Variants in ZNF484 observed in about 807,000 individuals in gnomAD.
ZNF484 encodes zinc finger protein 484.
Under a neutral mutation model 12.9 loss-of-function variants are expected in ZNF484, and 11 were observed. The observed-to-expected ratio is 0.85, with a 90% confidence interval of 0.54 to 1.41. ZNF484 has a LOEUF of 1.41. ZNF484 is among the 40% of genes most tolerant of loss of function. ZNF484 has a pLI of 0.00. For missense variants in ZNF484, 807 were observed against 1,007.7 expected (o/e 0.80, Z 2.70); for synonymous variants, 289 against 334.1 (o/e 0.86, Z 1.47).
chr9:92,869,254 A>C (rs1189738726), intron 2 of ZNF484, among the ~76,000 whole-genome samples: 3 of 152,192 alleles, frequency 2.0e-5, no homozygotes, highest in Admixed American at 6.5e-5. Flanking sequence ...ACTGATATGT[A>C]TAATATATAT....
chr9:92,860,010 GT>G (rs1292218917), intron 2 of ZNF484, among the ~76,000 whole-genome samples: 1 of 152,164 alleles, frequency 6.6e-6, no homozygotes, highest in East Asian at 1.9e-4. Context: ...GATGTCCAGA[GT>G]TTTTACTGAG....
chr9:92,867,469 C>T (rs1480672033), intron 2 of ZNF484, among the ~76,000 whole-genome samples: 3 of 151,842 alleles, frequency 2.0e-5, no homozygotes, highest in African/African-American at 7.3e-5. Flanking sequence ...GCAACAAGAG[C>T]GAAACTCCAT....
chr9:92,851,098 C>T (rs1237478648), intron 4 of ZNF484, among the ~76,000 whole-genome samples: 1 of 152,242 alleles, frequency 6.6e-6, no homozygotes, highest in African/African-American at 2.4e-5. Flanking sequence ...TCATTTGTCA[C>T]TAGGTGGCAC....
At chr9:92,875,327 A>G (rs1857730578) in intron 1 of ZNF484, among the ~76,000 whole-genome samples, 1 of 152,228 alleles carries the variant, frequency 6.6e-6, no homozygotes, top group Admixed American at 6.5e-5. Context: ...TATCCAAAGG[A>G]TATACTGTTC....
At chr9:92,873,813 A>G (rs1205460458) in intron 2 of ZNF484, among the ~76,000 whole-genome samples, 4 of 152,158 alleles carry the variant, frequency 2.6e-5, no homozygotes, top group African/African-American at 9.7e-5. Flanking sequence ...CGTGATACCT[A>G]AACCAGAAAT....
intron 4 of ZNF484, among the ~76,000 whole-genome samples, chr9:92,850,295 G>GT (rs1855988465): frequency 6.6e-6 from 1 of 152,192 alleles, no homozygotes; most frequent in African/African-American, 2.4e-5. Flanking sequence ...GAACTACATG[G>GT]TGAGTGAGGT....
At chr9:92,861,865 A>G (rs191323085) in intron 2 of ZNF484, among the ~76,000 whole-genome samples, 36 of 152,354 alleles carry the variant, frequency 2.4e-4, no homozygotes, top group Non-Finnish European at 4.4e-5. Flanking sequence ...GGAAAACCTC[A>G]AATAAATCCA....
chr9:92,877,593 T>C (rs1857902881), intron 1 of ZNF484, among the ~76,000 whole-genome samples: 1 of 152,084 alleles, frequency 6.6e-6, no homozygotes, highest in Admixed American at 6.5e-5. Flanking sequence ...TTCACACTCC[T>C]CAGATCCCTC....
At chr9:92,868,553 C>T (rs1857246708) in intron 2 of ZNF484, among the ~76,000 whole-genome samples, 1 of 152,082 alleles carries the variant, frequency 6.6e-6, no homozygotes, top group Admixed American at 6.5e-5. Context: ...TTTATTTGGC[C>T]CATGGTTCTG....
intron 2 of ZNF484, among the ~76,000 whole-genome samples, chr9:92,860,763 AAG>A (rs1856742751): frequency 6.6e-6 from 1 of 152,112 alleles, no homozygotes; most frequent in Admixed American, 6.5e-5. Context: ...CATTAGCTCA[AAG>A]AGAGGTAGCA....
At chr9:92,869,559 CTAAA>C (rs763232220) in intron 2 of ZNF484, among the ~76,000 whole-genome samples, 2 of 152,172 alleles carry the variant, frequency 1.3e-5, no homozygotes, top group South Asian at 2.1e-4. Context: ...CCCATCTCTA[CTAAA>C]TAAATAAATA....
Position 92,855,827 on chromosome 9 carries a change from G to A in ZNF484, c.219C>T (p.Pro73=), listed in dbSNP as rs1489241220. The A allele has an allele frequency of 1.2e-6, 2 of 1,613,934 alleles. No homozygotes were observed. Among genetic ancestry groups the A allele is most frequent in the East Asian group, 2.2e-5 (1 of 44,892 alleles). Residue 73 remains proline, a synonymous_variant, in exon 4 of 5, where the codon CCC becomes CCT. Transcript: ENST00000375495. ...CCTTCTCACCTGGACGGCTCTGACT[G>A]GGGATCTCACCATCCAACATACATG... ...EEPCMLDGEI[P]SQSRPDGDIG... is the part of the protein sequence containing the mutation.
chr9:92,877,467 C>A (rs1857890540), intron 1 of ZNF484, among the ~76,000 whole-genome samples: 2 of 152,040 alleles, frequency 1.3e-5, no homozygotes, highest in Admixed American at 6.5e-5. Flanking sequence ...ACATGCAATT[C>A]TATGTAATAT....
chr9:92,856,417 A>C, intron 2 of ZNF484, 99 bp from the exon 3 acceptor site: 1 of 999,586 alleles, frequency 1.0e-6, no homozygotes, highest in Non-Finnish European at 1.4e-6. Flanking sequence ...AGATTACAGA[A>C]TGGAAACAAG....
At chr9:92,877,793 C>G (rs1857927570) in intron 1 of ZNF484, 97 bp downstream of exon 1, 1 of 1,535,774 alleles carries the variant, frequency 6.5e-7, no homozygotes, top group African/African-American at 1.4e-5. Flanking sequence ...TCCACTATTC[C>G]ATCCACTGAC....
Position 92,846,117 on chromosome 9 carries a change from A to G in ZNF484, c.*111T>C. The G allele has an allele frequency of 9.1e-7, 1 of 1,103,698 alleles. No individual in the cohort carries two copies. Among genetic ancestry groups the G allele is most frequent in the South Asian group, 1.6e-5 (1 of 62,502 alleles). 68.4% of individuals were successfully genotyped at this position (1,103,698 alleles called of 1,614,324 possible). ...TATTTGCAGGAGCTTGACAACACCA[A>G]TATCAAGTAACCAAAGATGGCCACT... On this transcript the variant is annotated 3_prime_UTR_variant, in exon 5 of 5. Coordinates refer to ENST00000375495, the MANE Select transcript of ZNF484 (RefSeq NM_031486.4).
intron 2 of ZNF484, among the ~76,000 whole-genome samples, chr9:92,856,987 G>A (rs1185634254): frequency 1.3e-5 from 2 of 152,206 alleles, no homozygotes; most frequent in African/African-American, 4.8e-5. Context: ...GCCTCCCAAA[G>A]TGCTGGGATT....
chr9:92,844,781 A>G lies in ZNF484; in HGVS notation c.*1447T>C, dbSNP rs1855492390. ...TTGTCACCACCAAACTCACAGTAAA[A>G]GAAATACTAAAGGGTGTTCCTCAGT... On this transcript the variant is annotated 3_prime_UTR_variant, in exon 5 of 5. Coordinates refer to ENST00000375495, the MANE Select transcript of ZNF484 (RefSeq NM_031486.4). Among the ~76,000 whole-genome samples, 1 of 152,184 alleles carries G rather than the reference A, an allele frequency of 6.6e-6. No individual in the cohort carries two copies. Among genetic ancestry groups the G allele is most frequent in the Admixed American group, 6.5e-5 (1 of 15,280 alleles).
intron 4 of ZNF484, among the ~76,000 whole-genome samples, chr9:92,854,105 G>A (rs1488073308): frequency 6.6e-6 from 1 of 152,120 alleles, no homozygotes; most frequent in African/African-American, 2.4e-5. Context: ...AGGAAAAAAA[G>A]AGAGAGAGAT....
Sources: allele counts gnomAD v4.1 joint callset (sites outside exome capture counted in the v4.1 genomes callset), GRCh38; gene constraint gnomAD v4.1.1; transcripts MANE v1.5; gene names NCBI Gene and HGNC (gene_info 2026-07-23, HGNC 2026-07-21).